LILRB4: variants seen among roughly 807,000 people sequenced by gnomAD.
LILRB4 encodes leukocyte immunoglobulin like receptor B4.
LILRB4 carries 49 observed loss-of-function variants against 55.2 expected under a neutral mutation model. The ratio of observed to expected loss-of-function variants is 0.89; its 90% CI spans 0.71 to 1.13. The LOEUF (loss-of-function observed/expected upper bound fraction) is 1.13. LILRB4 is among the 50% of genes most tolerant of loss of function. The pLI is 0.00. For missense variants in LILRB4, 590 were observed against 555.2 expected, an observed-to-expected ratio of 1.06 and a Z score of -0.63; for synonymous variants, 229 against 213.8, an observed-to-expected ratio of 1.07 and a Z score of -0.62.
At position 54,667,561 on chromosome 19, in the gene LILRB4, G is replaced by C. The variant is rs1599934288; in HGVS notation, c.1042-77G>C. 167 of 1,594,880 alleles carry C rather than the reference G, an allele frequency of 1.0e-4. 5 individuals carry two copies. In the South Asian group the frequency reaches 1.8e-3, roughly 18 times the overall value. ...GAAAGGGATGTAATCGGATCACCCTGGGAACAGTGGGGAAAATTGACTCCA... is the reference window on the plus strand; with the variant it reads ...GAAAGGGATGTAATCGGATCACCCTCGGAACAGTGGGGAAAATTGACTCCA... On this transcript the variant is annotated intron_variant, in intron 10 of 11. Transcript: ENST00000430952.
At chr19:54,667,392 C>T (rs531312988) in intron 10 of LILRB4, 161 of 771,694 alleles carry the variant, frequency 2.1e-4, no homozygotes, top group South Asian at 9.7e-4. Flanking sequence ...GCAAAGGCCC[C>T]GAGGCAGCAG....
At chr19:54,668,121 C>A in exon 12 of LILRB4, 2 of 1,361,468 alleles carry the variant, frequency 1.5e-6, no homozygotes, top group Non-Finnish European at 2.0e-6. Context: ...CAGCCCAGAC[C>A]CCTGACACAG....
In LILRB4 at chr19:54,666,120, A is replaced by G; in HGVS notation, c.875-120A>G. On this transcript the variant is annotated intron_variant, in intron 7 of 11. Coordinates refer to ENST00000430952, the Ensembl canonical transcript of LILRB4. This position sits in a 1 kb window ranked among gnomAD's most constrained non-coding sequence, Gnocchi z 4.8. Reference sequence around the variant, plus strand: ...TTATTCTTTCGGTTTTTCTAAACTTAGAAAGTATTTAAAACATCCTTGCAA... The same window carrying G: ...TTATTCTTTCGGTTTTTCTAAACTTGGAAAGTATTTAAAACATCCTTGCAA... 1 of 1,263,020 alleles carries G rather than the reference A, an allele frequency of 7.9e-7. No homozygotes were observed. Among genetic ancestry groups the G allele is most frequent in the Admixed American group, 2.4e-5 (1 of 41,804 alleles). 78.2% of individuals were successfully genotyped at this position (1,263,020 alleles called of 1,614,324 possible). A position where few individuals can be genotyped will look rare whatever the true frequency, so the allele number is the denominator to read the frequency against.
In LILRB4 at chr19:54,664,177, C is replaced by G. The variant is rs1246878808; in HGVS notation, c.356-9C>G. 2 of 1,607,468 alleles carry G rather than the reference C, an allele frequency of 1.2e-6. No homozygotes were observed. The highest frequency in any genetic ancestry group is 1.7e-5 in the Admixed American group (1 of 59,614). On this transcript the variant is annotated splice_polypyrimidine_tract_variant and intron_variant, in intron 3 of 11. Coordinates refer to ENST00000430952, the Ensembl canonical transcript of LILRB4. Reference sequence around the variant, plus strand: ...GCCCCATTTAACACGGTGCCTCCTTCTCTCCTAGGAGCCTACAGTAAACCC... The same window carrying G: ...GCCCCATTTAACACGGTGCCTCCTTGTCTCCTAGGAGCCTACAGTAAACCC...
Position 54,666,317 on chromosome 19 carries a change from T to C in LILRB4, c.950+2T>C. 1 of 1,608,440 alleles carries C rather than the reference T, an allele frequency of 6.2e-7. No homozygotes were observed. Among genetic ancestry groups the C allele is most frequent in the Non-Finnish European group, 8.5e-7 (1 of 1,177,170 alleles). ...CAAGGACGGGGGCCTACAGAGGAGG[T>C]AATTCTGCCCAAAGACCTCAGACTC... On this transcript the variant is annotated splice_donor_variant, in intron 8 of 11. Transcript: ENST00000430952. LOFTEE classifies it high-confidence loss of function. The surrounding 1 kb of genome is among the most constrained non-coding windows in gnomAD (Gnocchi z 4.8).
At position 54,665,864 on chromosome 19, in the gene LILRB4, C is replaced by T; in HGVS notation, c.807C>T (p.Ile269=). The change falls in exon 7 of 12, where the codon ATC becomes ATT. Residue 269 remains isoleucine, a synonymous_variant. Transcript: ENST00000430952. The surrounding 1 kb of genome is among the most constrained non-coding windows in gnomAD (Gnocchi z 5.5). ...TGATCGGGGTCTTGGTGGTCTCCAT[C>T]CTGCTTCTCTCCCTCCTCCTCTTCC... 6.2e-7 allele frequency: 1 copy of T among 1,613,608 alleles called. No individual in the cohort carries two copies. Among genetic ancestry groups the T allele is most frequent in the Non-Finnish European group, 8.5e-7 (1 of 1,179,838 alleles).
At chr19:54,663,532 G>C (rs761827916) in exon 2 of LILRB4, 34 of 1,613,010 alleles carry the variant, frequency 2.1e-5, no homozygotes, top group Non-Finnish European at 2.8e-5. Flanking sequence ...TCTCTTCCAG[G>C]GCTGAGTCTG....
chr19:54,666,547 G>A lies in LILRB4; in HGVS notation c.988+111G>A. On this transcript the variant is annotated intron_variant, in intron 9 of 11. Coordinates refer to ENST00000430952, the Ensembl canonical transcript of LILRB4. The surrounding 1 kb of genome is among the most constrained non-coding windows in gnomAD (Gnocchi z 4.8). The stretch of plus-strand genomic sequence containing the variant: ...GGATTGGTCAGGGACTCAGGGAGAA[G>A]TGGTCTGAACCCACATTGTGGGACC... 6.8e-7 allele frequency: 1 copy of A among 1,478,406 alleles called. No individual in the cohort carries two copies. The allele number at this position is 1,478,406 out of a possible 1,614,324, so 91.6% of individuals were successfully genotyped here. A position where few individuals can be genotyped will look rare whatever the true frequency, so the allele number is the denominator to read the frequency against.
Position 54,665,784 on chromosome 19 carries a change from C to T in LILRB4, c.758-31C>T, listed in dbSNP as rs2065235778. The stretch of plus-strand genomic sequence containing the variant: ...CAGTAGGTGTGCACATCAATGACAT[C>T]ATCCCCATTCCTGATGTCATCACGC... On this transcript the variant is annotated intron_variant, in intron 6 of 11. Transcript: ENST00000430952. The surrounding 1 kb of genome is among the most constrained non-coding windows in gnomAD (Gnocchi z 5.5). The T allele has an allele frequency of 6.4e-7, 1 of 1,573,128 alleles. No homozygotes were observed. The highest frequency in any genetic ancestry group is 1.9e-5 in the Admixed American group (1 of 52,622).
intron 2 of LILRB4, 25 bp downstream of exon 2, chr19:54,663,592 G>C (rs545805386): frequency 1.2e-6 from 2 of 1,613,132 alleles, no homozygotes; most frequent in South Asian, 2.2e-5. Flanking sequence ...AGCTGTCCCA[G>C]GTCCCTCCTC....
At position 54,664,204 on chromosome 19, in the gene LILRB4, C is replaced by T. The variant is rs752751174; in HGVS notation, c.374C>T (p.Thr125Ile). 5 of 1,613,562 alleles carry T rather than the reference C, an allele frequency of 3.1e-6. No homozygotes were observed. The Admixed American group carries it at 5.0e-5, about 16-fold the overall frequency. Residue 125 changes from threonine (T) to isoleucine (I), a missense_variant, in exon 4 of 12, where the codon ACC becomes ATC. Physicochemically the swap from Thr to Ile is moderately conservative, Grantham distance 89. Transcript: ENST00000430952. ...CTCCTAGGAGCCTACAGTAAACCCA[C>T]CCTTTCAGCCCTGCCGAGTCCTCTT...
chr19:54,666,150 A>G lies in LILRB4; in HGVS notation c.875-90A>G. On this transcript the variant is annotated intron_variant, in intron 7 of 11. Coordinates refer to ENST00000430952, the Ensembl canonical transcript of LILRB4. This position sits in a 1 kb window ranked among gnomAD's most constrained non-coding sequence, Gnocchi z 4.8. ...GTATTTAAAACATCCTTGCAAGTGTATTTTCAGGTTTCCTTTCCTCTTGAC... is the reference window on the plus strand; with the variant it reads ...GTATTTAAAACATCCTTGCAAGTGTGTTTTCAGGTTTCCTTTCCTCTTGAC... 1.5e-6 allele frequency: 2 copies of G among 1,356,114 alleles called. No homozygotes were observed. The highest frequency in any genetic ancestry group is 2.0e-6 in the Non-Finnish European group (2 of 987,252). 84.0% of individuals were successfully genotyped at this position (1,356,114 alleles called of 1,614,324 possible).
rs747511844 is a variant in LILRB4 at position 54,666,419 on chromosome 19, T to C, written c.971T>C (p.Val324Ala). 6.2e-7 allele frequency: 1 copy of C among 1,614,130 alleles called. No individual in the cohort carries two copies. The highest frequency in any genetic ancestry group is 8.5e-7 in the Non-Finnish European group (1 of 1,179,988). Residue 324 changes from valine (V) to alanine (A), a missense_variant, in exon 9 of 12, where the codon GTC (valine) becomes GCC (alanine). By Grantham distance (64) the Val-to-Ala change is moderately conservative. Coordinates refer to ENST00000430952, the Ensembl canonical transcript of LILRB4. The surrounding 1 kb of genome is among the most constrained non-coding windows in gnomAD (Gnocchi z 4.8). The stretch of plus-strand genomic sequence containing the variant: ...CCCAGGTCCAGCCCAGCTGCTGACG[T>C]CCAGGGAGAAAACTTCTGTGAGTGA...
In LILRB4 at chr19:54,665,777, A is replaced by G. The variant is rs536835813; in HGVS notation, c.758-38A>G. 48 of 1,567,946 alleles carry G rather than the reference A, an allele frequency of 3.1e-5. No homozygotes were observed. The East Asian group carries it at 6.2e-4, about 20-fold the overall frequency. On this transcript the variant is annotated intron_variant, in intron 6 of 11. Coordinates refer to ENST00000430952, the Ensembl canonical transcript of LILRB4. This position sits in a 1 kb window ranked among gnomAD's most constrained non-coding sequence, Gnocchi z 5.5. ...GCACACACAGTAGGTGTGCACATCAATGACATCATCCCCATTCCTGATGTC... is the reference window on the plus strand; with the variant it reads ...GCACACACAGTAGGTGTGCACATCAGTGACATCATCCCCATTCCTGATGTC...
chr19:54,664,646 G>A (rs1315601393), intron 4 of LILRB4, among the ~76,000 whole-genome samples, 153 bp from the exon 5 acceptor site: 1 of 152,206 alleles, frequency 6.6e-6, no homozygotes, highest in Non-Finnish European at 1.5e-5. Flanking sequence ...GCATGCCCAT[G>A]CTCTTCTCCC....
rs146325339 is a variant in LILRB4, at chr19:54,667,647, G to A, written c.1051G>A (p.Asp351Asn). The A allele has an allele frequency of 1.1e-3, 1,761 of 1,610,900 alleles. 14 individuals carry two copies. The African/African-American group carries it at 0.02, about 18-fold the overall frequency. ...TGTCTCTCTCCAGCAGAGCCCACACGATGAAGACCCCCAGGCAGTGACGTA... is the reference window on the plus strand; with the variant it reads ...TGTCTCTCTCCAGCAGAGCCCACACAATGAAGACCCCCAGGCAGTGACGTA... Residue 351 changes from aspartate (D) to asparagine (N), a missense_variant, in exon 11 of 12, where the codon GAT becomes AAT. Physicochemically the swap from Asp to Asn is conservative, Grantham distance 23. Transcript: ENST00000430952.
At chr19:54,663,247 C>T (rs970613559) in intron 1 of LILRB4, among the ~76,000 whole-genome samples, 180 bp downstream of exon 1, 11 of 151,818 alleles carry the variant, frequency 7.2e-5, no homozygotes, top group Admixed American at 4.6e-4. Flanking sequence ...GAGATCGAGA[C>T]CATCCTGGCT....
rs1366509164 is a variant in LILRB4 at position 54,666,107 on chromosome 19, T to G, written c.875-133T>G. 7.9e-7 allele frequency: 1 copy of G among 1,259,454 alleles called. No homozygotes were observed. The highest frequency in any genetic ancestry group is 2.4e-5 in the East Asian group (1 of 42,438). 78.0% of individuals were successfully genotyped at this position (1,259,454 alleles called of 1,614,324 possible). ...TAATGGAAGTGCTTTATTCTTTCGG[T>G]TTTTCTAAACTTAGAAAGTATTTAA... is the stretch of plus-strand genomic sequence containing the variant. On this transcript the variant is annotated intron_variant, in intron 7 of 11. Transcript: ENST00000430952. The surrounding 1 kb of genome is among the most constrained non-coding windows in gnomAD (Gnocchi z 4.8).
intron 3 of LILRB4, 41 bp from the exon 4 acceptor site, chr19:54,664,138 TGTGGGAG>T (rs3050015): frequency 0.16 from 253,428 of 1,589,582 alleles, 21,269 homozygotes; most frequent in Admixed American, 0.28. Context: ...CTGGGGATGA[TGTGGGAG>T]GTGGGAGCCC....
Sources: allele counts gnomAD v4.1 joint callset (sites outside exome capture counted in the v4.1 genomes callset), GRCh38; gene constraint gnomAD v4.1.1; non-coding constraint Gnocchi (gnomAD v3.1); transcripts MANE v1.5; gene names NCBI Gene and HGNC (gene_info 2026-07-23, HGNC 2026-07-21).